The following CCSER1 variants were observed in gnomAD, a reference collection of about 807,000 sequenced individuals.
CCSER1 encodes the protein coiled-coil serine rich protein 1, also known as serine-rich coiled-coil domain-containing protein 1.
CCSER1 carries 41 observed loss-of-function variants against 82.0 expected under a neutral mutation model. The observed-to-expected ratio is 0.50, with a 90% CI of 0.39 to 0.65. The LOEUF is 0.65. CCSER1 is among the 30% of genes least tolerant of loss of function. The pLI is 0.00. For missense variants in CCSER1, 1,119 were observed against 1,064.2 expected, an observed-to-expected ratio of 1.05 and a Z score of -0.72; for synonymous variants, 414 against 383.9, an observed-to-expected ratio of 1.08 and a Z score of -0.92.
chr4:90,501,844 C>G (rs1194540216), intron 5 of CCSER1, among the ~76,000 whole-genome samples: 2 of 151,796 alleles, frequency 1.3e-5, no homozygotes, highest in Non-Finnish European at 2.9e-5. Flanking sequence ...GTTAATTATC[C>G]AAAATTATTT....
intron 10 of CCSER1, among the ~76,000 whole-genome samples, chr4:91,565,882 C>T (rs1412896278): frequency 1.3e-5 from 2 of 152,020 alleles, no homozygotes; most frequent in Non-Finnish European, 2.9e-5. Context: ...GCCCTTTATT[C>T]CTTTTTCTTG....
At chr4:90,396,529 T>C (rs1751983981) in intron 3 of CCSER1, among the ~76,000 whole-genome samples, 1 of 152,218 alleles carries the variant, frequency 6.6e-6, no homozygotes, top group Non-Finnish European at 1.5e-5. Flanking sequence ...CTACTCAATT[T>C]GTATTTTTTA....
At chr4:90,292,669 T>G (rs1434922439) in intron 1 of CCSER1, among the ~76,000 whole-genome samples, 2 of 151,904 alleles carry the variant, frequency 1.3e-5, no homozygotes. Flanking sequence ...ATAACAGCAC[T>G]TACTTAAAAA....
chr4:90,240,078 C>T (rs1037347942), intron 1 of CCSER1, among the ~76,000 whole-genome samples: 1 of 152,262 alleles, frequency 6.6e-6, no homozygotes, highest in East Asian at 1.9e-4. Context: ...AGGTGTAATT[C>T]ATCTCACTGG....
chr4:91,487,659 A>G lies in CCSER1; in HGVS notation c.2218-110913A>G, dbSNP rs960413932. On this transcript the variant is annotated intron_variant, in intron 10 of 10. Transcript: ENST00000509176. The stretch of plus-strand genomic sequence containing the variant: ...TAGTTGCTTAATATAATATTATGTA[A>G]CTCTCAAATTTTCTATAATTTTAAT... Among the ~76,000 whole-genome samples the G allele has an allele frequency of 5.3e-5, 8 of 152,082 alleles. No individual in the cohort carries two copies. In the South Asian group the frequency reaches 1.7e-3, roughly 32 times the overall value.
chr4:91,094,292 C>A (rs1383657535), intron 10 of CCSER1, among the ~76,000 whole-genome samples: 1 of 152,126 alleles, frequency 6.6e-6, no homozygotes, highest in Non-Finnish European at 1.5e-5. Flanking sequence ...AGTAGTAACA[C>A]CTGACCCCGG....
intron 10 of CCSER1, among the ~76,000 whole-genome samples, chr4:91,376,308 C>A (rs1442539880): frequency 6.6e-6 from 1 of 152,174 alleles, no homozygotes; most frequent in Non-Finnish European, 1.5e-5. Flanking sequence ...CTACTAGACA[C>A]CTAGGCTATA....
At chr4:90,418,584 G>A (rs906094390) in intron 4 of CCSER1, among the ~76,000 whole-genome samples, 3 of 151,850 alleles carry the variant, frequency 2.0e-5, no homozygotes, top group African/African-American at 7.2e-5. Context: ...AGCATTATAG[G>A]AATAAATATC....
chr4:90,568,408 A>G (rs1446591018), intron 5 of CCSER1, among the ~76,000 whole-genome samples: 4 of 152,224 alleles, frequency 2.6e-5, no homozygotes, highest in Admixed American at 6.5e-5. Context: ...TTATCATGAT[A>G]TAATGATGTT....
intron 4 of CCSER1, among the ~76,000 whole-genome samples, chr4:90,420,459 A>C (rs1190221259): frequency 2.0e-5 from 3 of 152,012 alleles, no homozygotes; most frequent in African/African-American, 7.2e-5. Flanking sequence ...GATGACTCTT[A>C]AGTAAGAAAT....
chr4:90,523,415 C>T (rs373725146), intron 5 of CCSER1, among the ~76,000 whole-genome samples: 16 of 152,200 alleles, frequency 1.1e-4, no homozygotes, highest in African/African-American at 3.9e-4. Context: ...TCTCTGGTAC[C>T]AGCCTTTATT....
intron 10 of CCSER1, among the ~76,000 whole-genome samples, chr4:91,088,187 G>A (rs937655125): frequency 1.3e-5 from 2 of 152,038 alleles, no homozygotes; most frequent in African/African-American, 4.8e-5. Context: ...TCATTGTAAT[G>A]CTATTATGAT....
chr4:90,271,754 TTAA>T (rs148493007), intron 1 of CCSER1, among the ~76,000 whole-genome samples: 3,014 of 142,268 alleles, frequency 0.021, 68 homozygotes, highest in African/African-American at 0.057. Flanking sequence ...TGACAAGGAA[TTAA>T]TAACCAGATT....
In CCSER1 at chr4:90,513,278, G is replaced by A. The variant is rs76459607; in HGVS notation, c.1724+44924G>A. ...GAGGATGTATGAATAAAGCGGTATG[G>A]TGATGTACCATGGAATTTATGCTGT... On this transcript the variant is annotated intron_variant, in intron 5 of 10. Coordinates refer to ENST00000509176, the MANE Select transcript of CCSER1 (RefSeq NM_001145065.2). 7.6e-3 allele frequency among the ~76,000 whole-genome samples: 1,155 copies of A among 152,276 alleles called. 6 individuals are homozygous for A. Among genetic ancestry groups the A allele is most frequent in the African/African-American group, 0.019 (783 of 41,550 alleles).
chr4:91,354,544 A>G (rs1274184376), intron 10 of CCSER1, among the ~76,000 whole-genome samples: 1 of 152,232 alleles, frequency 6.6e-6, no homozygotes, highest in African/African-American at 2.4e-5. Flanking sequence ...GAACTCCACC[A>G]TGTAACTGTT....
intron 4 of CCSER1, among the ~76,000 whole-genome samples, chr4:90,457,170 G>A (rs9985613): frequency 0.04 from 6,042 of 152,218 alleles, 189 homozygotes; most frequent in Non-Finnish European, 0.06. Context: ...CAGGTGTACC[G>A]CAAGTGGCTT....
intron 8 of CCSER1, among the ~76,000 whole-genome samples, chr4:90,899,811 A>T (rs944973789): frequency 2.0e-5 from 3 of 151,868 alleles, no homozygotes; most frequent in Admixed American, 6.6e-5. Flanking sequence ...CTTGATTGTT[A>T]TGGATTATCT....
intron 10 of CCSER1, among the ~76,000 whole-genome samples, chr4:91,215,993 T>C (rs1278149572): frequency 6.6e-6 from 1 of 152,220 alleles, no homozygotes; most frequent in Non-Finnish European, 1.5e-5. Context: ...CTCTCCCTCT[T>C]GTAACAAAAG....
chr4:90,252,090 G>A (rs565372585), intron 1 of CCSER1, among the ~76,000 whole-genome samples: 11 of 151,924 alleles, frequency 7.2e-5, no homozygotes, highest in East Asian at 3.9e-4. Flanking sequence ...TGAGTATCCC[G>A]TATCTGAAAT....
Sources: allele counts gnomAD v4.1 joint callset (sites outside exome capture counted in the v4.1 genomes callset), GRCh38; gene constraint gnomAD v4.1.1; transcripts MANE v1.5; gene names NCBI Gene and HGNC (gene_info 2026-07-23, HGNC 2026-07-21).